The following EPB41L4B variants were observed in gnomAD, a reference collection of about 807,000 sequenced individuals.
The protein encoded by EPB41L4B is erythrocyte membrane protein band 4.1 like 4B, also known as band 4.1-like protein 4B.
A neutral mutation model predicts 112.5 loss-of-function variants in EPB41L4B; 30 were observed. The ratio of observed to expected loss-of-function variants is 0.27; its 90% CI spans 0.20 to 0.36. EPB41L4B has a LOEUF of 0.36. Among genes scored for constraint, EPB41L4B ranks in the 10% least tolerant of loss-of-function variants. EPB41L4B has a pLI of 1.00. For missense variants in EPB41L4B, 1,024 were observed against 1,133.3 expected (o/e 0.90, Z 1.38); for synonymous variants, 408 against 439.7 (o/e 0.93, Z 0.90).
intron 1 of EPB41L4B, among the ~76,000 whole-genome samples, chr9:109,286,614 A>C (rs1375065881): frequency 1.3e-5 from 2 of 152,150 alleles, no homozygotes; most frequent in East Asian, 3.9e-4. Context: ...CATTTAACAA[A>C]TATTTGCCAA....
At chr9:109,310,501 T>C (rs953744902) in intron 1 of EPB41L4B, among the ~76,000 whole-genome samples, 1 of 152,180 alleles carries the variant, frequency 6.6e-6, no homozygotes, top group African/African-American at 2.4e-5. Context: ...TTTGTATTTA[T>C]ATTTCATCAT....
chr9:109,213,232 T>A (rs1460845682), intron 17 of EPB41L4B, among the ~76,000 whole-genome samples: 4 of 152,254 alleles, frequency 2.6e-5, no homozygotes, highest in Non-Finnish European at 5.9e-5. Context: ...TAAGGCTGCC[T>A]CTTTGGATGT....
intron 15 of EPB41L4B, among the ~76,000 whole-genome samples, chr9:109,226,896 G>A (rs1833801980): frequency 6.6e-6 from 1 of 151,232 alleles, no homozygotes; most frequent in Admixed American, 6.6e-5. Flanking sequence ...AGAGTGCAGT[G>A]GCACAATCAT....
At chr9:109,180,424 A>G (rs1379188967) in intron 24 of EPB41L4B, among the ~76,000 whole-genome samples, 2 of 152,246 alleles carry the variant, frequency 1.3e-5, no homozygotes, top group African/African-American at 4.8e-5. Context: ...AGCTGTGTCC[A>G]GCAAGACTGC....
At chr9:109,194,865 C>T (rs768886595) in intron 20 of EPB41L4B, among the ~76,000 whole-genome samples, 84 of 152,270 alleles carry the variant, frequency 5.5e-4, no homozygotes, top group African/African-American at 1.8e-3. Context: ...ATTCTAGGAA[C>T]GTCACATAAG....
At chr9:109,250,205 A>G (rs1198828079) in intron 13 of EPB41L4B, among the ~76,000 whole-genome samples, 1 of 152,184 alleles carries the variant, frequency 6.6e-6, no homozygotes, top group Non-Finnish European at 1.5e-5. Context: ...CTGATTTGCA[A>G]AAAAGAAAAC....
chr9:109,177,082 T>A (rs1418490968), intron 24 of EPB41L4B, among the ~76,000 whole-genome samples: 1 of 152,216 alleles, frequency 6.6e-6, no homozygotes, highest in Non-Finnish European at 1.5e-5. Context: ...CAAATGTATA[T>A]TTTAAAACTG....
At chr9:109,312,395 A>G (rs939630013) in intron 1 of EPB41L4B, among the ~76,000 whole-genome samples, 1 of 152,190 alleles carries the variant, frequency 6.6e-6, no homozygotes, top group Non-Finnish European at 1.5e-5. Context: ...ATGACATTCA[A>G]TGAGTCTAAC....
chr9:109,207,653 C>T (rs934293314), intron 18 of EPB41L4B, among the ~76,000 whole-genome samples: 6 of 152,160 alleles, frequency 3.9e-5, no homozygotes, highest in South Asian at 2.1e-4. Flanking sequence ...TACCAAATCT[C>T]TGGGGACAGG....
At chr9:109,280,517 T>C (rs982686797) in intron 1 of EPB41L4B, among the ~76,000 whole-genome samples, 3 of 152,016 alleles carry the variant, frequency 2.0e-5, no homozygotes, top group African/African-American at 7.3e-5. Context: ...AAACAAGGGG[T>C]CAAGTCCTGC....
intron 1 of EPB41L4B, among the ~76,000 whole-genome samples, chr9:109,298,618 C>A (rs978467460): frequency 3.9e-5 from 6 of 152,122 alleles, no homozygotes; most frequent in Admixed American, 3.3e-4. Context: ...GGCCCATATA[C>A]GCATTTTTAA....
intron 1 of EPB41L4B, among the ~76,000 whole-genome samples, chr9:109,284,752 CA>C (rs1461465596): frequency 2.0e-5 from 3 of 152,192 alleles, no homozygotes; most frequent in Non-Finnish European, 2.9e-5. Flanking sequence ...TGTCAGAGAC[CA>C]AATACAATTT....
intron 20 of EPB41L4B, among the ~76,000 whole-genome samples, chr9:109,199,502 C>T (rs1386021419): frequency 6.6e-6 from 1 of 152,060 alleles, no homozygotes; most frequent in East Asian, 1.9e-4. Context: ...AACCCCGTCT[C>T]TACCAAAAAT....
At chr9:109,194,131 T>C in intron 21 of EPB41L4B, 89 bp downstream of exon 21, 1 of 1,433,482 alleles carries the variant, frequency 7.0e-7, no homozygotes, top group Non-Finnish European at 9.5e-7. Flanking sequence ...ATGCAAAATT[T>C]AAATACATGC....
At chr9:109,311,983 G>A (rs1837430307) in intron 1 of EPB41L4B, among the ~76,000 whole-genome samples, 1 of 152,156 alleles carries the variant, frequency 6.6e-6, no homozygotes, top group African/African-American at 2.4e-5. Flanking sequence ...AAGTGATCAG[G>A]TGCTTTGCAT....
intron 4 of EPB41L4B, 118 bp from the exon 5 acceptor site, chr9:109,265,142 G>C: frequency 1.3e-6 from 1 of 794,750 alleles, no homozygotes; most frequent in Non-Finnish European, 2.0e-6. Flanking sequence ...TTGTAAAAAA[G>C]GAGTCCAAAT....
At chr9:109,218,821 C>T (rs527282332) in intron 15 of EPB41L4B, among the ~76,000 whole-genome samples, 1 of 152,162 alleles carries the variant, frequency 6.6e-6, no homozygotes, top group Non-Finnish European at 1.5e-5. Context: ...GATAAAGATC[C>T]CTTCCTCTTA....
chr9:109,258,041 A>G, intron 7 of EPB41L4B, 136 bp downstream of exon 7: 1 of 936,254 alleles, frequency 1.1e-6, no homozygotes. Flanking sequence ...CAGGACTGAC[A>G]CAAGGAGAGA....
At chr9:109,269,511 C>A (rs1835532816) in intron 2 of EPB41L4B, among the ~76,000 whole-genome samples, 1 of 152,202 alleles carries the variant, frequency 6.6e-6, no homozygotes, top group African/African-American at 2.4e-5. Flanking sequence ...GACATCAGCT[C>A]CTGGAGGCCA....
Sources: gnomAD v4.1 joint callset for allele counts (sites outside exome capture counted in the v4.1 genomes callset) on GRCh38, gnomAD v4.1.1 for gene constraint, MANE v1.5 for transcripts, NCBI Gene and HGNC (gene_info 2026-07-23, HGNC 2026-07-21) for gene names.